SPTBN2: variants seen among roughly 807,000 people sequenced by gnomAD.
SPTBN2 encodes the protein spectrin beta chain, non-erythrocytic 2.
A neutral mutation model predicts 284.2 loss-of-function variants in SPTBN2; 107 were observed. The ratio of observed to expected loss-of-function variants is 0.38; its 90% CI spans 0.32 to 0.44. The LOEUF is 0.44. Among genes scored for constraint, SPTBN2 ranks in the 20% least tolerant of loss-of-function variants. The pLI is 1.00. For missense variants in SPTBN2, 2,569 were observed against 3,287.1 expected, an observed-to-expected ratio of 0.78 and a Z score of 5.34; for synonymous variants, 1,289 against 1,354.8, an observed-to-expected ratio of 0.95 and a Z score of 1.07.
Position 66,715,947 on chromosome 11 carries a change from G to T in SPTBN2, c.192C>A (p.Thr64=), listed in dbSNP as rs1942125236. The change falls in exon 4 of 38, where the codon ACC becomes ACA. Residue 64 remains threonine, a synonymous_variant. Transcript: ENST00000533211. This position sits in a 1 kb window ranked among gnomAD's most constrained non-coding sequence, Gnocchi z 5.3. The part of the protein sequence containing the change: ...EREAVQKKTF[T]KWVNSHLARV... ...GGGCCAGGTGCGAGTTTACCCACTT[G>T]GTGAAGGTTTTCTTCTGCACAGCTT... 1 of 1,614,094 alleles carries T rather than the reference G, an allele frequency of 6.2e-7. No individual in the cohort carries two copies. The highest frequency in any genetic ancestry group is 2.2e-5 in the East Asian group (1 of 44,876).
rs746434406 is a variant in SPTBN2 at position 66,699,648 on chromosome 11, ACAATT to A, written c.3574-45_3574-41del. 1.9e-6 allele frequency: 3 copies of A among 1,609,100 alleles called. No homozygotes were observed. In the African/African-American group the frequency reaches 4.0e-5, roughly 22 times the overall value. ...TGACATTCAGCTCATTTTCCCCAGCACAATTCACCCCCCTAGGAGGGACCCACCCA... is the reference window on the plus strand; with the variant it reads ...TGACATTCAGCTCATTTTCCCCAGCACACCCCCCTAGGAGGGACCCACCCA... On this transcript the variant is annotated intron_variant, in intron 17 of 37. Transcript: ENST00000533211.
rs374378339 is a variant in SPTBN2, at chr11:66,736,491, T to C, written c.-474-7299A>G. On this transcript the variant is annotated intron_variant, in intron 1 of 37. Transcript: ENST00000611817. The stretch of plus-strand genomic sequence containing the variant: ...GTCTGGGACCAACCATGATTCTCAA[T>C]ACCTTTGAGTTTATCAGTCAATAAC... 2.4e-4 allele frequency among the ~76,000 whole-genome samples: 37 copies of C among 152,322 alleles called. 1 individual carries two copies. The highest frequency in any genetic ancestry group is 7.9e-4 in the African/African-American group (33 of 41,572).
chr11:66,710,188 G>A lies in SPTBN2; in HGVS notation c.1073+394C>T, dbSNP rs561343222. On this transcript the variant is annotated intron_variant, in intron 10 of 37. Coordinates refer to ENST00000533211, the MANE Select transcript of SPTBN2 (RefSeq NM_006946.4). This position sits in a 1 kb window ranked among gnomAD's most constrained non-coding sequence, Gnocchi z 4.9. ...CTCCCGAGTAGCTGGGATGACAGGC[G>A]TGTGCCACCATGCCCAGCTAATTTT... Among the ~76,000 whole-genome samples the A allele has an allele frequency of 1.3e-5, 2 of 152,310 alleles. No individual in the cohort carries two copies. The highest frequency in any genetic ancestry group is 1.9e-4 in the East Asian group (1 of 5,178).
At chr11:66,714,230 G>A (rs1356119775) in intron 6 of SPTBN2, 59 bp from the exon 7 acceptor site, 8 of 1,606,148 alleles carry the variant, frequency 5.0e-6, no homozygotes, top group East Asian at 2.2e-5. Context: ...ATGACTCCAG[G>A]GCAGTCACCA....
At chr11:66,727,220 C>T (rs1423149820) in intron 1 of SPTBN2, among the ~76,000 whole-genome samples, 1 of 152,180 alleles carries the variant, frequency 6.6e-6, no homozygotes, top group African/African-American at 2.4e-5. Flanking sequence ...TGCCCCACAC[C>T]TCAAGCTAAG....
At position 66,686,988 on chromosome 11, in the gene SPTBN2, T is replaced by TC. The variant is rs768323510; in HGVS notation, c.6896+5dup. Reference sequence around the variant, plus strand: ...CCATCCCGAGAGCACTGTTCCCTGTTCCTACCCCAGCTTGAAGACATGTTT... The same window carrying TC: ...CCATCCCGAGAGCACTGTTCCCTGTTCCCTACCCCAGCTTGAAGACATGTTT... On this transcript the variant is annotated splice_donor_region_variant and intron_variant, in intron 36 of 37. Coordinates refer to ENST00000533211, the MANE Select transcript of SPTBN2 (RefSeq NM_006946.4). 6.2e-7 allele frequency: 1 copy of TC among 1,613,776 alleles called. No homozygotes were observed. The highest frequency in any genetic ancestry group is 8.5e-7 in the Non-Finnish European group (1 of 1,180,016).
chr11:66,696,121 T>A lies in SPTBN2; in HGVS notation c.4278+156A>T, dbSNP rs181192739. On this transcript the variant is annotated intron_variant, in intron 21 of 37. Transcript: ENST00000533211. ...TAACTCTAACCCTGACTGCGACATA[T>A]CCCTAGAGATTCTGATACTGGCTGC... Among the ~76,000 whole-genome samples the A allele has an allele frequency of 3.3e-5, 5 of 152,292 alleles. No homozygotes were observed. In the East Asian group the frequency reaches 7.7e-4, roughly 23 times the overall value.
At position 66,705,378 on chromosome 11, in the gene SPTBN2, C is replaced by T. The variant is rs759321471; in HGVS notation, c.1898G>A (p.Arg633Gln). The T allele has an allele frequency of 2.9e-5, 47 of 1,612,630 alleles. No homozygotes were observed. In the East Asian group the frequency reaches 6.2e-4, roughly 21 times the overall value. ...YEALCELAAA[R>Q]RARLEESRRL... ...CCGTGATTCCTCCAGCCGGGCCCGC[C>T]GCGCCGCTGCCAACTCGCACAGTGC... Residue 633 changes from arginine to glutamine, a missense_variant, in exon 15 of 38, where the codon CGG becomes CAG. Around this residue, in one of 6 missense-constraint regions of SPTBN2, gnomAD observed 1,012 missense variants for 1,248.9 expected, o/e 0.81. Coordinates refer to ENST00000533211, the MANE Select transcript of SPTBN2 (RefSeq NM_006946.4).
Position 66,692,642 on chromosome 11 carries a change from C to A in SPTBN2, c.5084G>T (p.Arg1695Leu). The change falls in exon 26 of 38, where the codon CGG (arginine) becomes CTG (leucine). Residue 1695 changes from arginine to leucine, a missense_variant. By Grantham distance (102) the Arg-to-Leu change is moderately radical (BLOSUM62 -2). Coordinates refer to ENST00000533211, the MANE Select transcript of SPTBN2 (RefSeq NM_006946.4). ...CAGCTCGCGGCGGAGCTGGCACAGCCGGAGGTGCTCCTGCAGGCGCTCCCG... is the reference window on the plus strand; with the variant it reads ...CAGCTCGCGGCGGAGCTGGCACAGCAGGAGGTGCTCCTGCAGGCGCTCCCG... ...ERRERLQEHL[R>L]LCQLRRELDD... 1 of 1,605,390 alleles carries A rather than the reference C, an allele frequency of 6.2e-7. No homozygotes were observed. The highest frequency in any genetic ancestry group is 8.5e-7 in the Non-Finnish European group (1 of 1,179,930).
chr11:66,722,210 C>T (rs1005797503), intron 1 of SPTBN2, among the ~76,000 whole-genome samples: 3 of 152,156 alleles, frequency 2.0e-5, no homozygotes, highest in African/African-American at 7.2e-5. Context: ...ACATGCATCA[C>T]GTCACCATAA....
At chr11:66,739,773 A>G (rs1942881510) in intron 1 of SPTBN2, among the ~76,000 whole-genome samples, 1 of 152,226 alleles carries the variant, frequency 6.6e-6, no homozygotes, top group South Asian at 2.1e-4. Flanking sequence ...TCACGCCTGT[A>G]ATCCCCCCAG....
chr11:66,741,403 C>A (rs1942894723), intron 1 of SPTBN2, among the ~76,000 whole-genome samples: 1 of 152,186 alleles, frequency 6.6e-6, no homozygotes, highest in Admixed American at 6.5e-5. Context: ...GCCTCCCTAG[C>A]CATGATGAAC....
chr11:66,703,792 T>C (rs912547607), intron 15 of SPTBN2, among the ~76,000 whole-genome samples: 1 of 152,060 alleles, frequency 6.6e-6, no homozygotes, highest in African/African-American at 2.4e-5. Flanking sequence ...TGTGGTTCTA[T>C]AAAAAAATTT....
At chr11:66,692,775 AG>A (rs1211853464) in intron 25 of SPTBN2, 35 bp from the exon 26 acceptor site, 6 of 1,599,448 alleles carry the variant, frequency 3.8e-6, no homozygotes, top group Non-Finnish European at 4.2e-6. Flanking sequence ...TGTGGGACTT[AG>A]GGGTGTAGCT....
At chr11:66,716,999 G>A (rs139233031) in intron 3 of SPTBN2, among the ~76,000 whole-genome samples, 1 of 152,156 alleles carries the variant, frequency 6.6e-6, no homozygotes, top group Non-Finnish European at 1.5e-5. Flanking sequence ...TGCTTCTGGG[G>A]GTTGGGGACA....
intron 1 of SPTBN2, among the ~76,000 whole-genome samples, chr11:66,722,754 G>A (rs1402984800): frequency 4.6e-5 from 7 of 151,688 alleles, no homozygotes; most frequent in African/African-American, 1.5e-4. Flanking sequence ...TTAGCTGGGC[G>A]TGGTAGCACA....
chr11:66,721,156 G>T lies in SPTBN2; in HGVS notation c.85C>A (p.Pro29Thr), dbSNP rs1942383524. 1 of 1,614,058 alleles carries T rather than the reference G, an allele frequency of 6.2e-7. No individual in the cohort carries two copies. Among genetic ancestry groups the T allele is most frequent in the African/African-American group, 1.3e-5 (1 of 74,908 alleles). ...CTGTCATTGTCCCAGTCCGAGTCAG[G>T]AAGGTCCCAGCGGTTGTTGATGTCA... is the stretch of plus-strand genomic sequence containing the variant. ...YSDINNRWDLPDSDWDNDSSS... is the reference protein window; with the variant it reads ...YSDINNRWDLTDSDWDNDSSS... The change falls in exon 3 of 38, where the codon CCT becomes ACT. Residue 29 changes from proline (P) to threonine (T), a missense_variant. Physicochemically the swap from Pro to Thr is conservative, Grantham distance 38 (BLOSUM62 -1). This residue lies in a region of SPTBN2 where 304 missense variants were observed against 522.1 expected (regional missense o/e 0.58). Transcript: ENST00000533211.
chr11:66,699,921 A>G (rs536208568), intron 17 of SPTBN2, among the ~76,000 whole-genome samples: 8 of 152,138 alleles, frequency 5.3e-5, no homozygotes, highest in Non-Finnish European at 1.0e-4. Context: ...TTAGTAAATT[A>G]TATTCACGTC....
In SPTBN2 at chr11:66,700,298, T is replaced by A. The variant is rs79496339; in HGVS notation, c.3573+228A>T. Among the ~76,000 whole-genome samples the A allele has an allele frequency of 0.11, 17,248 of 152,122 alleles. 1,261 individuals are homozygous for A. Among genetic ancestry groups the A allele is most frequent in the Non-Finnish European group, 0.16 (11,190 of 67,974 alleles). ...AAATTCTTCTATTTTCTTAAAAAAA[T>A]TTTTTTGTAGAGACAAGGTCTTGCC... is the stretch of plus-strand genomic sequence containing the variant. On this transcript the variant is annotated intron_variant, in intron 17 of 37. Coordinates refer to ENST00000533211, the MANE Select transcript of SPTBN2 (RefSeq NM_006946.4). This position sits in a 1 kb window ranked among gnomAD's most constrained non-coding sequence, Gnocchi z 6.6.
Sources: gnomAD v4.1 joint callset for allele counts (sites outside exome capture counted in the v4.1 genomes callset) on GRCh38, gnomAD v4.1.1 for gene constraint, gnomAD v4.1.1 regional missense constraint, Gnocchi (gnomAD v3.1) non-coding constraint, MANE v1.5 for transcripts, NCBI Gene and HGNC (gene_info 2026-07-23, HGNC 2026-07-21) for gene names.